AGAP1: variants seen among roughly 807,000 people sequenced by gnomAD.
AGAP1 encodes ArfGAP with GTPase domain, ankyrin repeat and PH domain 1, also known as arf-GAP with GTPase, ANK repeat and PH domain-containing protein 1.
A neutral mutation model predicts 105.3 loss-of-function variants in AGAP1; 29 were observed. The observed-to-expected ratio is 0.28, with a 90% CI of 0.21 to 0.38. AGAP1 has a LOEUF of 0.38. AGAP1 is among the 10% of genes least tolerant of loss of function. The pLI is 1.00. For synonymous variants in AGAP1, 509 were observed against 485.9 expected, an observed-to-expected ratio of 1.05 and a Z score of -0.63; for missense variants, 998 against 1,165.1, an observed-to-expected ratio of 0.86 and a Z score of 2.09.
rs1041687232 is a variant in AGAP1 at position 236,127,993 on chromosome 2, T to C, written c.*3871T>C. On this transcript the variant is annotated 3_prime_UTR_variant, in exon 18 of 18. Coordinates refer to ENST00000304032, the MANE Select transcript of AGAP1 (RefSeq NM_001037131.3). The surrounding 1 kb of genome is among the most constrained non-coding windows in gnomAD (Gnocchi z 6.6). Reference sequence around the variant, plus strand: ...GAAACACTGATGGGACCGAAGCCAGTGCACACACCAGGAAACCTGCCCGTG... The same window carrying C: ...GAAACACTGATGGGACCGAAGCCAGCGCACACACCAGGAAACCTGCCCGTG... The C allele has an allele frequency of 6.6e-6, 1 of 151,828 alleles. No individual in the cohort carries two copies. The highest frequency in any genetic ancestry group is 6.6e-5 in the Admixed American group (1 of 15,216). 9.4% of individuals were successfully genotyped at this position (151,828 alleles called of 1,614,324 possible). A position where few individuals can be genotyped will look rare whatever the true frequency, so the allele number is the denominator to read the frequency against.
intron 6 of AGAP1, among the ~76,000 whole-genome samples, chr2:235,779,550 C>T (rs1956128751): frequency 6.6e-6 from 1 of 152,150 alleles, no homozygotes; most frequent in African/African-American, 2.4e-5. Context: ...GGGTTCTGCC[C>T]TTCAGCTCTG....
At chr2:235,902,524 T>C (rs985552947) in intron 10 of AGAP1, among the ~76,000 whole-genome samples, 3 of 152,208 alleles carry the variant, frequency 2.0e-5, no homozygotes, top group African/African-American at 4.8e-5. Flanking sequence ...TAAATAGTGA[T>C]AGTTTTCATC....
chr2:236,108,107 G>A (rs1031427378), intron 16 of AGAP1, among the ~76,000 whole-genome samples: 1 of 152,220 alleles, frequency 6.6e-6, no homozygotes, highest in African/African-American at 2.4e-5. Flanking sequence ...AATATCCATT[G>A]GCCTTTGTGG....
In AGAP1 at chr2:235,660,892, G is replaced by T. The variant is rs1354514735; in HGVS notation, c.164-48287G>T. Among the ~76,000 whole-genome samples, 3 of 152,212 alleles carry T rather than the reference G, an allele frequency of 2.0e-5. No individual in the cohort carries two copies. The highest frequency in any genetic ancestry group is 4.4e-5 in the Non-Finnish European group (3 of 68,038). On this transcript the variant is annotated intron_variant, in intron 1 of 17. Coordinates refer to ENST00000304032, the MANE Select transcript of AGAP1 (RefSeq NM_001037131.3). This position sits in a 1 kb window ranked among gnomAD's most constrained non-coding sequence, Gnocchi z 5.3. ...CAAGGTCACTTTCCCAAGGTCACAT[G>T]TGGTTTGCATCATTCTGGCCTTGGA...
At chr2:235,638,615 A>G (rs928915203) in intron 1 of AGAP1, among the ~76,000 whole-genome samples, 21 of 152,226 alleles carry the variant, frequency 1.4e-4, no homozygotes, top group Admixed American at 1.3e-3. Flanking sequence ...ACAGGAAAGA[A>G]AGATACCACA....
At chr2:236,091,769 A>G (rs912149960) in intron 16 of AGAP1, among the ~76,000 whole-genome samples, 2 of 152,300 alleles carry the variant, frequency 1.3e-5, no homozygotes, top group South Asian at 2.1e-4. Context: ...AAGGCTCTGC[A>G]TAAATAAGTA....
chr2:235,576,198 C>T (rs927021609), intron 1 of AGAP1, among the ~76,000 whole-genome samples: 1 of 152,112 alleles, frequency 6.6e-6, no homozygotes, highest in African/African-American at 2.4e-5. Flanking sequence ...CCTCAGGTTC[C>T]CCAGTGGCAA....
intron 13 of AGAP1, among the ~76,000 whole-genome samples, chr2:236,026,895 T>G (rs184838862): frequency 9.1e-4 from 139 of 152,284 alleles, no homozygotes; most frequent in African/African-American, 2.5e-3. Context: ...CGTCTTTGAT[T>G]CCCAAGGAGA....
intron 1 of AGAP1, among the ~76,000 whole-genome samples, chr2:235,626,193 CA>C (rs777311185): frequency 0.054 from 6,982 of 128,976 alleles, 459 homozygotes; most frequent in African/African-American, 0.16. Flanking sequence ...ACTAAAAATA[CA>C]AAAAAAAAAA....
intron 6 of AGAP1, among the ~76,000 whole-genome samples, chr2:235,781,811 G>A (rs1232480149): frequency 6.6e-6 from 1 of 151,978 alleles, no homozygotes; most frequent in Non-Finnish European, 1.5e-5. Flanking sequence ...GGGGAGGAGG[G>A]ACTTTTTTTT....
chr2:235,573,042 CTTCTTCTTCTTCTTCTTCTTTCTTCT>C (rs1322374169), intron 1 of AGAP1, among the ~76,000 whole-genome samples: 17 of 21,844 alleles, frequency 7.8e-4, no homozygotes, highest in South Asian at 2.2e-3. Flanking sequence ...TCTTCTTCTT[CTTCTTCTTCTTCTTCTTCTTTCTTCT>C]TTCTTCTTTC....
At position 235,620,811 on chromosome 2, in the gene AGAP1, A is replaced by G. The variant is rs911108930; in HGVS notation, c.164-88368A>G. Among the ~76,000 whole-genome samples the G allele has an allele frequency of 3.3e-5, 5 of 152,190 alleles. No homozygotes were observed. The highest frequency in any genetic ancestry group is 1.2e-4 in the African/African-American group (5 of 41,450). On this transcript the variant is annotated intron_variant, in intron 1 of 17. Coordinates refer to ENST00000304032, the MANE Select transcript of AGAP1 (RefSeq NM_001037131.3). The surrounding 1 kb of genome is among the most constrained non-coding windows in gnomAD (Gnocchi z 4.5). ...AGGCATGCAGGTGAACAAGTGAATG[A>G]GTGATCCTGAGTTTGCTCTGGTTTC...
Position 236,042,822 on chromosome 2 carries a change from C to G in AGAP1, c.1891+1981C>G, listed in dbSNP as rs145084275. Reference sequence around the variant, plus strand: ...AGGGAAAAGGCAGAGTTTGACAATTCAGGAGAAAGAGGCGATACCAAGCAC... The same window carrying G: ...AGGGAAAAGGCAGAGTTTGACAATTGAGGAGAAAGAGGCGATACCAAGCAC... On this transcript the variant is annotated intron_variant, in intron 15 of 17. Coordinates refer to ENST00000304032, the MANE Select transcript of AGAP1 (RefSeq NM_001037131.3). The surrounding 1 kb of genome is among the most constrained non-coding windows in gnomAD (Gnocchi z 5.6). 6.6e-6 allele frequency among the ~76,000 whole-genome samples: 1 copy of G among 152,286 alleles called. No homozygotes were observed. Among genetic ancestry groups the G allele is most frequent in the Admixed American group, 6.5e-5 (1 of 15,290 alleles).
rs1476764238 is a variant in AGAP1, at chr2:236,027,974, C to A, written c.1646-8587C>A. Among the ~76,000 whole-genome samples the A allele has an allele frequency of 6.6e-6, 1 of 152,106 alleles. No individual in the cohort carries two copies. Among genetic ancestry groups the A allele is most frequent in the African/African-American group, 2.4e-5 (1 of 41,402 alleles). On this transcript the variant is annotated intron_variant, in intron 13 of 17. Coordinates refer to ENST00000304032, the MANE Select transcript of AGAP1 (RefSeq NM_001037131.3). The surrounding 1 kb of genome is among the most constrained non-coding windows in gnomAD (Gnocchi z 4.4). ...GGGATTGCGATTCGTGTCTTTATTT[C>A]TTCATTATTTGTATAGTCCTGTGCT...
In AGAP1 at chr2:236,010,793, T is replaced by C. The variant is rs796968652; in HGVS notation, c.1646-25768T>C. Among the ~76,000 whole-genome samples the C allele has an allele frequency of 2.6e-5, 4 of 152,380 alleles. No homozygotes were observed. In the South Asian group the frequency reaches 8.3e-4, roughly 32 times the overall value. The stretch of plus-strand genomic sequence containing the variant: ...ATTACACAAGGATAAATAAACATTT[T>C]GTCTTAGAGTTTGGGAGTGAGTCTC... On this transcript the variant is annotated intron_variant, in intron 13 of 17. Transcript: ENST00000304032.
rs1466170322 is a variant in AGAP1 at position 235,973,418 on chromosome 2, C to A, written c.1645+4795C>A. Among the ~76,000 whole-genome samples, 1 of 152,276 alleles carries A rather than the reference C, an allele frequency of 6.6e-6. No homozygotes were observed. The highest frequency in any genetic ancestry group is 1.9e-4 in the East Asian group (1 of 5,176). ...ACCAGGAGATGTGTGGATGACAGAG[C>A]CCGTCGCTAGGCTCTTATGTCACAG... On this transcript the variant is annotated intron_variant, in intron 13 of 17. Transcript: ENST00000304032. This position sits in a 1 kb window ranked among gnomAD's most constrained non-coding sequence, Gnocchi z 4.7.
In AGAP1 at chr2:235,963,010, G is replaced by A. The variant is rs113002796; in HGVS notation, c.1484-5452G>A. ...GAGTCCCATGGGGCTAGAAGTGCTC[G>A]TGTGGAAGGACACAAAAGGAAAACG... On this transcript the variant is annotated intron_variant, in intron 12 of 17. Transcript: ENST00000304032. This position sits in a 1 kb window ranked among gnomAD's most constrained non-coding sequence, Gnocchi z 5.1. 2.3e-4 allele frequency among the ~76,000 whole-genome samples: 35 copies of A among 152,240 alleles called. No individual in the cohort carries two copies. Among genetic ancestry groups the A allele is most frequent in the African/African-American group, 7.0e-4 (29 of 41,530 alleles).
intron 6 of AGAP1, among the ~76,000 whole-genome samples, chr2:235,766,889 G>A (rs112482480): frequency 5.3e-5 from 8 of 149,994 alleles, no homozygotes; most frequent in East Asian, 2.0e-4. Context: ...TTATATGTGC[G>A]TGCCACCACA....
chr2:235,530,282 A>G (rs1396335750), intron 1 of AGAP1, among the ~76,000 whole-genome samples: 1 of 152,116 alleles, frequency 6.6e-6, no homozygotes. Flanking sequence ...TCGACTTGCC[A>G]TATGCCTAAT....
Sources: gnomAD v4.1 joint callset for allele counts (sites outside exome capture counted in the v4.1 genomes callset) on GRCh38, gnomAD v4.1.1 for gene constraint, Gnocchi (gnomAD v3.1) non-coding constraint, MANE v1.5 for transcripts, NCBI Gene and HGNC (gene_info 2026-07-23, HGNC 2026-07-21) for gene names.